BMPER: variants seen among roughly 807,000 people sequenced by gnomAD.
The protein encoded by BMPER is BMP binding endothelial regulator, also known as BMP-binding endothelial regulator protein.
In BMPER, 45 loss-of-function variants were observed where a neutral mutation model predicts 87.3. The observed-to-expected ratio is 0.52, with a 90% CI of 0.41 to 0.66. BMPER has a LOEUF of 0.66. Among genes scored for constraint, BMPER ranks in the 30% least tolerant of loss-of-function variants. BMPER has a pLI of 0.00. For synonymous variants in BMPER, 326 were observed against 316.2 expected (o/e 1.03, Z -0.33); for missense variants, 784 against 867.5 (o/e 0.90, Z 1.21).
intron 6 of BMPER, among the ~76,000 whole-genome samples, chr7:34,034,287 C>T (rs1485274676): frequency 6.6e-6 from 1 of 152,164 alleles, no homozygotes; most frequent in Non-Finnish European, 1.5e-5. Flanking sequence ...GAGAATATGC[C>T]TTGTGGATTT....
intron 13 of BMPER, among the ~76,000 whole-genome samples, chr7:34,135,986 G>T (rs13226146): frequency 6.6e-6 from 1 of 152,286 alleles, no homozygotes; most frequent in East Asian, 1.9e-4. Context: ...CTCCCCAGAT[G>T]AAGGTTATGA....
intron 13 of BMPER, among the ~76,000 whole-genome samples, chr7:34,091,686 C>T (rs1208090046): frequency 1.3e-5 from 2 of 152,192 alleles, no homozygotes; most frequent in Admixed American, 1.3e-4. Context: ...CCACTTATGC[C>T]TAGTGTTCCA....
intron 11 of BMPER, among the ~76,000 whole-genome samples, chr7:34,070,313 C>A (rs1354582582): frequency 6.6e-6 from 1 of 152,160 alleles, no homozygotes; most frequent in Non-Finnish European, 1.5e-5. Context: ...AATTCTGGCA[C>A]CCCCATATCC....
chr7:34,067,628 C>A (rs1397218295), intron 11 of BMPER, among the ~76,000 whole-genome samples: 1 of 152,070 alleles, frequency 6.6e-6, no homozygotes, highest in Non-Finnish European at 1.5e-5. Flanking sequence ...TTGACTTTAG[C>A]CCTGCCAAGG....
intron 1 of BMPER, 130 bp downstream of exon 1, chr7:33,905,876 A>C: frequency 1.5e-6 from 2 of 1,295,622 alleles, no homozygotes; most frequent in Non-Finnish European, 2.1e-6. Context: ...GCGCTGGTCG[A>C]TGGGGATGAA....
chr7:34,130,186 GTCTCTCTC>G (rs10583920), intron 13 of BMPER, among the ~76,000 whole-genome samples: 11 of 149,352 alleles, frequency 7.4e-5, no homozygotes, highest in African/African-American at 2.2e-4. Context: ...TCTTGATTCT[GTCTCTCTC>G]TCTCTCTCTC....
intron 6 of BMPER, among the ~76,000 whole-genome samples, chr7:33,977,439 G>A (rs542171576): frequency 1.3e-5 from 2 of 152,282 alleles, no homozygotes; most frequent in African/African-American, 4.8e-5. Context: ...CTGCTTGGAA[G>A]CTTTGGCATG....
chr7:34,109,497 C>A (rs1043151788), intron 13 of BMPER, among the ~76,000 whole-genome samples: 1 of 152,184 alleles, frequency 6.6e-6, no homozygotes, highest in East Asian at 1.9e-4. Flanking sequence ...TTAATCATCA[C>A]AATTGAGATA....
intron 3 of BMPER, among the ~76,000 whole-genome samples, chr7:33,946,404 T>C (rs748087159): frequency 6.6e-6 from 1 of 152,170 alleles, no homozygotes; most frequent in Admixed American, 6.5e-5. Flanking sequence ...TGGGAAGGCT[T>C]TCCAGAAGAG....
At chr7:34,145,800 T>G (rs991198076) in intron 14 of BMPER, among the ~76,000 whole-genome samples, 5 of 152,198 alleles carry the variant, frequency 3.3e-5, no homozygotes, top group Admixed American at 6.5e-5. Context: ...AGAGCTATAC[T>G]TAGCACCATT....
chr7:33,939,205 G>T (rs7796375), intron 3 of BMPER, among the ~76,000 whole-genome samples: 1,716 of 152,254 alleles, frequency 0.011, 12 homozygotes, highest in Middle Eastern at 0.031. Flanking sequence ...ATGCAGAAGG[G>T]TGCTTTCTTA....
rs376772567 is a variant in BMPER at position 33,994,450 on chromosome 7, A to C, written c.576+19666A>C. Among the ~76,000 whole-genome samples, 680 of 152,240 alleles carry C rather than the reference A, an allele frequency of 4.5e-3. 8 individuals are homozygous for C. In the South Asian group the frequency reaches 0.055, roughly 12 times the overall value. On this transcript the variant is annotated intron_variant, in intron 6 of 14. Transcript: ENST00000649409. ...ACTCCCTGACCCCTTGCGCTTCCCA[A>C]GTGAGGCAATGCCTCACCCTGCTTT...
chr7:34,140,037 AC>A (rs1490575059), intron 13 of BMPER, among the ~76,000 whole-genome samples: 7 of 152,218 alleles, frequency 4.6e-5, no homozygotes, highest in Admixed American at 4.6e-4. Flanking sequence ...GAATGTAGTT[AC>A]TGTGAATATG....
chr7:34,092,388 T>C (rs140606329), intron 13 of BMPER, among the ~76,000 whole-genome samples: 3 of 152,340 alleles, frequency 2.0e-5, no homozygotes, highest in African/African-American at 7.2e-5. Flanking sequence ...CGTCTTCTTA[T>C]GAAATACTCG....
At chr7:34,019,533 G>A (rs1787125060) in intron 6 of BMPER, among the ~76,000 whole-genome samples, 1 of 152,070 alleles carries the variant, frequency 6.6e-6, no homozygotes, top group Non-Finnish European at 1.5e-5. Context: ...CAAGCTGCCT[G>A]ATGTTGCTGA....
At chr7:34,000,628 A>G (rs926274071) in intron 6 of BMPER, among the ~76,000 whole-genome samples, 1 of 152,124 alleles carries the variant, frequency 6.6e-6, no homozygotes, top group Non-Finnish European at 1.5e-5. Flanking sequence ...GTATTAAAAA[A>G]TACTAAAAAC....
intron 6 of BMPER, among the ~76,000 whole-genome samples, chr7:33,988,597 G>T (rs925109984): frequency 2.0e-5 from 3 of 151,772 alleles, no homozygotes; most frequent in Non-Finnish European, 4.4e-5. Flanking sequence ...GAAGTGTTTG[G>T]TATTTTTATT....
At chr7:33,951,284 G>A (rs1785016334) in intron 3 of BMPER, among the ~76,000 whole-genome samples, 1 of 152,062 alleles carries the variant, frequency 6.6e-6, no homozygotes, top group Non-Finnish European at 1.5e-5. Flanking sequence ...CTGACCTCAA[G>A]TGATCCACCC....
At chr7:33,995,980 C>T (rs918518942) in intron 6 of BMPER, among the ~76,000 whole-genome samples, 1 of 152,242 alleles carries the variant, frequency 6.6e-6, no homozygotes, top group Non-Finnish European at 1.5e-5. Flanking sequence ...CTCCAAGCCT[C>T]ACTTTCCTCA....
Sources: allele counts gnomAD v4.1 joint callset (sites outside exome capture counted in the v4.1 genomes callset), GRCh38; gene constraint gnomAD v4.1.1; transcripts MANE v1.5; gene names NCBI Gene and HGNC (gene_info 2026-07-23, HGNC 2026-07-21).